U2AF2: variants seen among roughly 807,000 people sequenced by gnomAD.
The protein encoded by U2AF2 is U2 small nuclear RNA auxiliary factor 2, also known as splicing factor U2AF 65 kDa subunit.
A neutral mutation model predicts 52.6 loss-of-function variants in U2AF2; 6 were observed. The ratio of observed to expected loss-of-function variants is 0.11; its 90% CI spans 0.06 to 0.23. U2AF2 has a LOEUF of 0.23. U2AF2 is among the 10% of genes least tolerant of loss of function. U2AF2 has a pLI of 1.00. For synonymous variants in U2AF2, 284 were observed against 258.2 expected (o/e 1.10, Z -0.96); for missense variants, 222 against 677.1 (o/e 0.33, Z 7.46).
Position 55,674,186 on chromosome 19 carries a change from G to GCC in U2AF2, c.*119_*120dup, listed in dbSNP as rs1394458428. On this transcript the variant is annotated 3_prime_UTR_variant, in exon 12 of 12. Transcript: ENST00000308924. ...GAGTGACAGCCGCAGACACACGACA[G>GCC]CCGGCAGCAACTGGAATGGCAGCAA... 2 of 570,668 alleles carry GCC rather than the reference G, an allele frequency of 3.5e-6. No individual in the cohort carries two copies. The highest frequency in any genetic ancestry group is 4.5e-6 in the Non-Finnish European group (2 of 447,526). The allele number at this position is 570,668 out of a possible 1,614,324, so 35.4% of individuals were successfully genotyped here. A position where few individuals can be genotyped will look rare whatever the true frequency, so the allele number is the denominator to read the frequency against.
chr19:55,655,248 A>C, intron 1 of U2AF2, 95 bp downstream of exon 1: 1 of 1,382,666 alleles, frequency 7.2e-7, no homozygotes, highest in Non-Finnish European at 9.9e-7. Context: ...CCCCCACTTC[A>C]CGGCCGCGCG....
chr19:55,672,284 C>T (rs1984972064), intron 11 of U2AF2, among the ~76,000 whole-genome samples: 2 of 152,142 alleles, frequency 1.3e-5, no homozygotes, highest in Non-Finnish European at 2.9e-5. Context: ...CATCTGGCTT[C>T]AAGTTACCAA....
chr19:55,660,649 C>CGGGAGGGTACAGGGGTT, intron 4 of U2AF2, 30 bp downstream of exon 4: 1 of 1,596,494 alleles, frequency 6.3e-7, no homozygotes, highest in Non-Finnish European at 8.6e-7. Flanking sequence ...GCTCCCAGAG[C>CGGGAGGGTACAGGGGTT]GGGAGGGTAC....
chr19:55,670,577 G>A (rs1405485474), intron 11 of U2AF2: 4 of 140,546 alleles, frequency 2.8e-5, no homozygotes, highest in Admixed American at 1.0e-4. Flanking sequence ...CCTGCATGCC[G>A]TATTGAGTCG....
At chr19:55,670,692 G>T (rs1984860352) in intron 11 of U2AF2, 1 of 223,190 alleles carries the variant, frequency 4.5e-6, no homozygotes, top group Non-Finnish European at 9.1e-6. Context: ...AGGGCTGAGT[G>T]GCAGGCCTTG....
At chr19:55,659,516 G>A (rs768984914) in intron 2 of U2AF2, among the ~76,000 whole-genome samples, 171 bp downstream of exon 2, 8 of 151,810 alleles carry the variant, frequency 5.3e-5, no homozygotes, top group South Asian at 2.1e-4. Flanking sequence ...CTTGGATTCC[G>A]ATTTTTTCCC....
In U2AF2 at chr19:55,660,512, C is replaced by T. The variant is rs1440744012; in HGVS notation, c.231-4C>T. On this transcript the variant is annotated splice_polypyrimidine_tract_variant and splice_region_variant and intron_variant, in intron 3 of 11. Coordinates refer to ENST00000308924, the MANE Select transcript of U2AF2 (RefSeq NM_007279.3). ...GCCCCGCTCTCCCCTCCCACCTCCCCCAGTCGTTCCCCCCGCCACGAGAAG... is the reference window on the plus strand; with the variant it reads ...GCCCCGCTCTCCCCTCCCACCTCCCTCAGTCGTTCCCCCCGCCACGAGAAG... 5 of 1,542,210 alleles carry T rather than the reference C, an allele frequency of 3.2e-6. No individual in the cohort carries two copies. The highest frequency in any genetic ancestry group is 4.4e-6 in the Non-Finnish European group (5 of 1,126,342).
chr19:55,670,667 C>T (rs937414008), intron 11 of U2AF2: 2 of 244,760 alleles, frequency 8.2e-6, no homozygotes, highest in South Asian at 4.0e-5. Context: ...GGTGAGTGAG[C>T]GAGGTGGTGG....
chr19:55,674,649 T>A lies in U2AF2; in HGVS notation c.*581T>A, dbSNP rs1020951828. On this transcript the variant is annotated 3_prime_UTR_variant, in exon 12 of 12. Transcript: ENST00000308924. The stretch of plus-strand genomic sequence containing the variant: ...CCCGTGGCCCCTGCCCCTCTCCTAC[T>A]CTCTGTGGCAGTTTCATATTTGCTA... The A allele has an allele frequency of 1.3e-5, 2 of 152,744 alleles. No individual in the cohort carries two copies. The highest frequency in any genetic ancestry group is 4.8e-5 in the African/African-American group (2 of 41,422). 9.5% of individuals were successfully genotyped at this position (152,744 alleles called of 1,614,324 possible). A position where few individuals can be genotyped will look rare whatever the true frequency, so the allele number is the denominator to read the frequency against.
chr19:55,666,236 C>G (rs553253133), intron 7 of U2AF2, among the ~76,000 whole-genome samples: 1 of 152,306 alleles, frequency 6.6e-6, no homozygotes, highest in African/African-American at 2.4e-5. Context: ...CTCCATCTTA[C>G]AGATGAGGAA....
intron 1 of U2AF2, among the ~76,000 whole-genome samples, chr19:55,655,387 C>T (rs563339170): frequency 6.6e-6 from 1 of 152,156 alleles, no homozygotes; most frequent in Non-Finnish European, 1.5e-5. Context: ...CGGCGGCTGT[C>T]CCTGCGCCCC....
chr19:55,668,462 A>C lies in U2AF2; in HGVS notation c.743-45A>C. ...CCGTAGACTGTCCAGGTTTTGGGAG[A>C]TAACCTGGTACTGGAATTGAAGTCC... On this transcript the variant is annotated intron_variant, in intron 7 of 11. Transcript: ENST00000308924. This position sits in a 1 kb window ranked among gnomAD's most constrained non-coding sequence, Gnocchi z 5.5. 1.4e-4 allele frequency: 208 copies of C among 1,524,622 alleles called. No individual in the cohort carries two copies. Among genetic ancestry groups the C allele is most frequent in the Non-Finnish European group, 1.7e-4 (188 of 1,128,008 alleles). The allele number at this position is 1,524,622 out of a possible 1,614,324, so 94.4% of individuals were successfully genotyped here. A position where few individuals can be genotyped will look rare whatever the true frequency, so the allele number is the denominator to read the frequency against.
intron 11 of U2AF2, 87 bp from the exon 12 acceptor site, chr19:55,673,846 TC>T (rs1380623899): frequency 6.6e-7 from 1 of 1,522,332 alleles, no homozygotes; most frequent in African/African-American, 1.4e-5. Context: ...CCCTGTCCCT[TC>T]CTGCCTTCAG....
intron 1 of U2AF2, among the ~76,000 whole-genome samples, chr19:55,655,787 T>A (rs1478394174): frequency 6.6e-6 from 1 of 152,234 alleles, no homozygotes; most frequent in African/African-American, 2.4e-5. Flanking sequence ...GGGCGCCTCA[T>A]ATTAACGTGT....
At chr19:55,667,061 T>G (rs1322248319) in intron 7 of U2AF2, among the ~76,000 whole-genome samples, 7 of 152,194 alleles carry the variant, frequency 4.6e-5, no homozygotes, top group Admixed American at 2.6e-4. Context: ...CTGCTACTTG[T>G]CCCTGTAGCA....
At position 55,668,079 on chromosome 19, in the gene U2AF2, G is replaced by A. The variant is rs532673966; in HGVS notation, c.743-428G>A. On this transcript the variant is annotated intron_variant, in intron 7 of 11. Coordinates refer to ENST00000308924, the MANE Select transcript of U2AF2 (RefSeq NM_007279.3). This position sits in a 1 kb window ranked among gnomAD's most constrained non-coding sequence, Gnocchi z 5.5. The stretch of plus-strand genomic sequence containing the variant: ...TTACAGGCGTGAGCCCCCGCGCCCG[G>A]CCGGGACTGAGCTTTAATGGGAGCC... Among the ~76,000 whole-genome samples the A allele has an allele frequency of 6.6e-6, 1 of 152,172 alleles. No individual in the cohort carries two copies. The highest frequency in any genetic ancestry group is 2.1e-4 in the South Asian group (1 of 4,834).
At chr19:55,670,663 T>G in intron 11 of U2AF2, 1 of 241,992 alleles carries the variant, frequency 4.1e-6, no homozygotes, top group Non-Finnish European at 8.3e-6. Context: ...AGCAGGTGAG[T>G]GAGCGAGGTG....
chr19:55,659,776 T>C (rs960260686), intron 2 of U2AF2, among the ~76,000 whole-genome samples: 2 of 152,126 alleles, frequency 1.3e-5, no homozygotes, highest in Non-Finnish European at 2.9e-5. Context: ...AAGGGAGCTC[T>C]TGGGACCGAG....
chr19:55,656,875 C>G (rs189146900), intron 1 of U2AF2, among the ~76,000 whole-genome samples: 1 of 152,266 alleles, frequency 6.6e-6, no homozygotes, highest in Non-Finnish European at 1.5e-5. Flanking sequence ...GAGGGTCTTC[C>G]GCTCACAGAG....
Sources: gnomAD v4.1 joint callset for allele counts (sites outside exome capture counted in the v4.1 genomes callset) on GRCh38, gnomAD v4.1.1 for gene constraint, Gnocchi (gnomAD v3.1) non-coding constraint, MANE v1.5 for transcripts, NCBI Gene and HGNC (gene_info 2026-07-23, HGNC 2026-07-21) for gene names.